Variants in PRKCB observed in about 807,000 individuals in gnomAD.
PRKCB encodes the protein protein kinase C beta.
In PRKCB, 13 loss-of-function variants were observed where a neutral mutation model predicts 81.5. The observed-to-expected ratio is 0.16, with a 90% CI of 0.10 to 0.25. PRKCB has a LOEUF of 0.25. PRKCB is among the 10% of genes least tolerant of loss of function. The pLI is 1.00. For missense variants in PRKCB, 509 were observed against 875.7 expected (o/e 0.58, Z 5.29); for synonymous variants, 335 against 321.4 (o/e 1.04, Z -0.45).
intron 2 of PRKCB, among the ~76,000 whole-genome samples, chr16:23,882,647 G>A (rs1963141975): frequency 6.6e-6 from 1 of 152,128 alleles, no homozygotes; most frequent in Non-Finnish European, 1.5e-5. Context: ...TGTATGAATA[G>A]GCAACATTTT....
chr16:24,076,840 G>A (rs894822547), intron 5 of PRKCB, among the ~76,000 whole-genome samples: 2 of 152,178 alleles, frequency 1.3e-5, no homozygotes, highest in African/African-American at 4.8e-5. Context: ...TAGGGTGGGG[G>A]CTGTGCCGGA....
chr16:23,899,412 A>G (rs1223651909), intron 2 of PRKCB, among the ~76,000 whole-genome samples: 1 of 152,210 alleles, frequency 6.6e-6, no homozygotes, highest in African/African-American at 2.4e-5. Context: ...CATCTCCCCC[A>G]GATCTCTCTG....
chr16:24,116,263 ATAGCGCT>A (rs1966736482), intron 8 of PRKCB, among the ~76,000 whole-genome samples: 1 of 152,088 alleles, frequency 6.6e-6, no homozygotes, highest in African/African-American at 2.4e-5. Flanking sequence ...CTTGATAGAA[ATAGCGCT>A]TAGGGGCCAG....
intron 3 of PRKCB, among the ~76,000 whole-genome samples, chr16:24,017,756 A>T (rs1418148601): frequency 6.6e-6 from 1 of 152,106 alleles, no homozygotes; most frequent in Admixed American, 6.6e-5. Context: ...TGGAAGCAGG[A>T]TCTTGCTCTG....
chr16:24,200,817 T>G (rs1377618473), intron 16 of PRKCB, among the ~76,000 whole-genome samples: 1 of 152,222 alleles, frequency 6.6e-6, no homozygotes, highest in Non-Finnish European at 1.5e-5. Flanking sequence ...TCAACACTGT[T>G]GCATTGGAGA....
chr16:23,854,739 C>G (rs926085428), intron 2 of PRKCB, among the ~76,000 whole-genome samples: 2 of 149,160 alleles, frequency 1.3e-5, no homozygotes, highest in South Asian at 4.4e-4. Context: ...GATGCCTCCT[C>G]TTGATGGGAG....
intron 2 of PRKCB, among the ~76,000 whole-genome samples, chr16:23,917,641 C>T (rs1374334470): frequency 6.6e-6 from 1 of 152,222 alleles, no homozygotes; most frequent in South Asian, 2.1e-4. Context: ...TGCCAGGTGG[C>T]GGTCACTGGT....
At chr16:23,961,047 T>C (rs1166792721) in intron 2 of PRKCB, among the ~76,000 whole-genome samples, 2 of 152,226 alleles carry the variant, frequency 1.3e-5, no homozygotes, top group East Asian at 3.8e-4. Flanking sequence ...GGCAGCTCTT[T>C]CTTTTTAAAA....
intron 4 of PRKCB, among the ~76,000 whole-genome samples, chr16:24,034,266 A>G (rs1420721946): frequency 3.3e-5 from 5 of 152,122 alleles, no homozygotes; most frequent in Non-Finnish European, 5.9e-5. Flanking sequence ...ACTCATTTCT[A>G]GTTTTTGTAA....
intron 2 of PRKCB, among the ~76,000 whole-genome samples, chr16:23,858,258 T>C (rs1053918805): frequency 6.6e-6 from 1 of 152,214 alleles, no homozygotes; most frequent in African/African-American, 2.4e-5. Context: ...AGATAAAACA[T>C]TTGCTTAAGT....
rs1187061614 is a variant in PRKCB, at chr16:24,174,286, C to T, written c.1332-232C>T. On this transcript the variant is annotated intron_variant, in intron 11 of 16. Transcript: ENST00000643927. ...ATCCCATGTCCCCTTCTCCACTATA[C>T]AATTGCTGAACTTCTGCCTACCCCC... 13 of 505,296 alleles carry T rather than the reference C, an allele frequency of 2.6e-5. No individual in the cohort carries two copies. The South Asian group carries it at 2.7e-4, about 10-fold the overall frequency. 31.3% of individuals were successfully genotyped at this position (505,296 alleles called of 1,614,324 possible). A position where few individuals can be genotyped will look rare whatever the true frequency, so the allele number is the denominator to read the frequency against.
chr16:23,909,297 G>C (rs1001442498), intron 2 of PRKCB, among the ~76,000 whole-genome samples: 1 of 152,002 alleles, frequency 6.6e-6, no homozygotes, highest in African/African-American at 2.4e-5. Context: ...CATTTGTTTG[G>C]GCTGCTGTAA....
chr16:23,965,932 T>C (rs542333068), intron 2 of PRKCB, among the ~76,000 whole-genome samples: 5 of 152,336 alleles, frequency 3.3e-5, no homozygotes, highest in African/African-American at 7.2e-5. Context: ...TCCAAGTAGA[T>C]CAGCCAAGTT....
At chr16:24,131,883 C>T (rs1966853815) in intron 9 of PRKCB, among the ~76,000 whole-genome samples, 1 of 152,140 alleles carries the variant, frequency 6.6e-6, no homozygotes, top group Non-Finnish European at 1.5e-5. Context: ...GATTTGGCAG[C>T]TCGATTACCA....
chr16:24,111,214 G>T (rs533502814), intron 7 of PRKCB: 4 of 152,178 alleles, frequency 2.6e-5, no homozygotes, highest in African/African-American at 7.2e-5. Flanking sequence ...ATGTGGAGGC[G>T]TAGAGGCTCA....
At chr16:23,882,013 T>TTCCTTC (rs1963122784) in intron 2 of PRKCB, among the ~76,000 whole-genome samples, 16 of 22,516 alleles carry the variant, frequency 7.1e-4, no homozygotes, top group Admixed American at 1.4e-3. Flanking sequence ...TTTCTTTCTT[T>TTCCTTC]CTTTCTTTCT....
chr16:24,146,872 T>C (rs569418234), intron 9 of PRKCB, among the ~76,000 whole-genome samples: 1 of 152,260 alleles, frequency 6.6e-6, no homozygotes, highest in African/African-American at 2.4e-5. Flanking sequence ...TCTATGTTGG[T>C]ATTAAAGTTT....
intron 2 of PRKCB, among the ~76,000 whole-genome samples, chr16:23,875,631 T>C: frequency 7.1e-6 from 1 of 140,482 alleles, no homozygotes; most frequent in East Asian, 2.0e-4. Context: ...TATGTATGTA[T>C]ATCACACATA....
intron 10 of PRKCB, among the ~76,000 whole-genome samples, chr16:24,158,604 A>G (rs530292902): frequency 6.1e-4 from 91 of 148,486 alleles, no homozygotes; most frequent in Admixed American, 2.0e-3. Context: ...ATGTGTGTGT[A>G]TGTGTGTGTG....
Sources: allele counts gnomAD v4.1 joint callset (sites outside exome capture counted in the v4.1 genomes callset), GRCh38; gene constraint gnomAD v4.1.1; transcripts MANE v1.5; gene names NCBI Gene and HGNC (gene_info 2026-07-23, HGNC 2026-07-21).